Variants in THSD7B observed in about 807,000 individuals in gnomAD.
THSD7B encodes thrombospondin type 1 domain containing 7B, also known as thrombospondin type-1 domain-containing protein 7B.
Under a neutral mutation model 213.6 loss-of-function variants are expected in THSD7B, and 138 were observed. That is an observed-to-expected ratio of 0.65 (90% CI 0.56 to 0.74). The LOEUF is 0.74. THSD7B is among the 30% of genes least tolerant of loss of function. The pLI is 0.00. For synonymous variants in THSD7B, 742 were observed against 687.0 expected (o/e 1.08, Z -1.25); for missense variants, 1,931 against 1,991.5 (o/e 0.97, Z 0.58).
chr2:137,575,522 C>A (rs1252408508), intron 17 of THSD7B, among the ~76,000 whole-genome samples: 1 of 151,886 alleles, frequency 6.6e-6, no homozygotes. Flanking sequence ...CTGACAGTAA[C>A]TACCAATTGC....
intron 12 of THSD7B, among the ~76,000 whole-genome samples, chr2:137,350,590 T>C (rs994202937): frequency 4.0e-4 from 60 of 151,714 alleles, no homozygotes; most frequent in African/African-American, 1.4e-3. Context: ...GAGCATGAAG[T>C]TGGAGAGCGA....
At chr2:136,837,900 T>C (rs1682868469) in intron 1 of THSD7B, among the ~76,000 whole-genome samples, 1 of 152,214 alleles carries the variant, frequency 6.6e-6, no homozygotes, top group South Asian at 2.1e-4. Flanking sequence ...GCAGTCAAAA[T>C]GCATAATGGG....
chr2:136,898,964 A>G (rs1347267259), intron 2 of THSD7B, among the ~76,000 whole-genome samples: 2 of 152,210 alleles, frequency 1.3e-5, no homozygotes, highest in Non-Finnish European at 2.9e-5. Context: ...TTTAATGATC[A>G]TTGTTACCCC....
Position 137,272,549 on chromosome 2 carries a change from A to G in THSD7B, c.2283A>G (p.Lys761=), listed in dbSNP as rs1240773418. ...TTACTTCAGGAAATGCCACAGTAAA[A>G]CAGTCTCGATACAGAATCATCATCC... ...RMCQAGNATV[K]QSRYRIIIQE... is the part of the protein sequence containing the mutation. Residue 761 remains lysine (K), a synonymous_variant, in exon 11 of 28, where the codon AAA becomes AAG. Coordinates refer to ENST00000409968, the MANE Select transcript of THSD7B (RefSeq NM_001316349.2). 2 of 1,610,216 alleles carry G rather than the reference A, an allele frequency of 1.2e-6. No individual in the cohort carries two copies. The highest frequency in any genetic ancestry group is 1.7e-6 in the Non-Finnish European group (2 of 1,178,426).
At chr2:136,836,975 C>T (rs1056725173) in intron 1 of THSD7B, among the ~76,000 whole-genome samples, 3 of 152,176 alleles carry the variant, frequency 2.0e-5, no homozygotes, top group African/African-American at 7.2e-5. Context: ...TCATATTCAA[C>T]CCATTAGCAA....
chr2:137,345,113 T>C (rs899455563), intron 12 of THSD7B, among the ~76,000 whole-genome samples: 17 of 151,694 alleles, frequency 1.1e-4, no homozygotes, highest in African/African-American at 3.1e-4. Flanking sequence ...AGCATATAAA[T>C]TGATATATCA....
chr2:137,272,435 T>A, intron 10 of THSD7B, 98 bp from the exon 11 acceptor site: 1 of 1,275,256 alleles, frequency 7.8e-7, no homozygotes, highest in Non-Finnish European at 1.1e-6. Flanking sequence ...CACATGTGCT[T>A]ACTTTATCTC....
chr2:137,281,931 G>A (rs913818623), intron 12 of THSD7B, among the ~76,000 whole-genome samples: 1 of 152,272 alleles, frequency 6.6e-6, no homozygotes, highest in Admixed American at 6.5e-5. Flanking sequence ...TAATGGGATG[G>A]CTGGGTCAAA....
chr2:137,401,636 T>TTC (rs1306108696), intron 12 of THSD7B, among the ~76,000 whole-genome samples: 2 of 122,670 alleles, frequency 1.6e-5, no homozygotes, highest in African/African-American at 5.3e-5. Flanking sequence ...CTTTCTTTCT[T>TTC]TTTTTTTTTT....
intron 2 of THSD7B, among the ~76,000 whole-genome samples, chr2:136,930,572 G>A: frequency 6.6e-6 from 1 of 152,152 alleles, no homozygotes; most frequent in Non-Finnish European, 1.5e-5. Flanking sequence ...ATCTGAAAGT[G>A]GTACCCAGCT....
At chr2:137,048,097 C>G (rs1375384169) in intron 2 of THSD7B, among the ~76,000 whole-genome samples, 2 of 151,948 alleles carry the variant, frequency 1.3e-5, no homozygotes, top group Non-Finnish European at 2.9e-5. Flanking sequence ...TGTGATGTTC[C>G]CCTCCCAGTG....
At chr2:137,076,264 A>T (rs1687620049) in intron 3 of THSD7B, among the ~76,000 whole-genome samples, 1 of 152,146 alleles carries the variant, frequency 6.6e-6, no homozygotes. Context: ...CGCTTTGTTT[A>T]CCTAATCAAA....
Position 137,287,081 on chromosome 2 carries a change from T to G in THSD7B, c.2500+11055T>G, listed in dbSNP as rs553109862. Among the ~76,000 whole-genome samples, 339 of 152,282 alleles carry G rather than the reference T, an allele frequency of 2.2e-3. 3 individuals carry two copies. Among genetic ancestry groups the G allele is most frequent in the African/African-American group, 7.7e-3 (321 of 41,576 alleles). On this transcript the variant is annotated intron_variant, in intron 12 of 27. Transcript: ENST00000409968. ...AGAAAAAAATGATTATACCCCAATA[T>G]TTTTGTATTATTTATTATTTTTGGG...
chr2:137,431,696 C>G (rs982408239), intron 14 of THSD7B, among the ~76,000 whole-genome samples: 4 of 152,036 alleles, frequency 2.6e-5, no homozygotes, highest in Non-Finnish European at 4.4e-5. Flanking sequence ...ACACCCCGGA[C>G]CCCATAGATA....
intron 12 of THSD7B, among the ~76,000 whole-genome samples, chr2:137,332,596 T>G (rs1247943706): frequency 1.3e-5 from 2 of 152,116 alleles, no homozygotes; most frequent in African/African-American, 4.8e-5. Flanking sequence ...GACATGAGAT[T>G]TGTGAGGAGC....
intron 2 of THSD7B, among the ~76,000 whole-genome samples, chr2:136,903,148 C>T (rs754740384): frequency 1.5e-5 from 2 of 131,132 alleles, no homozygotes; most frequent in African/African-American, 2.5e-5. Context: ...TGACAGCTAC[C>T]CCAAAAAGGT....
intron 12 of THSD7B, among the ~76,000 whole-genome samples, chr2:137,333,606 A>G (rs1212920677): frequency 2.0e-5 from 3 of 152,186 alleles, no homozygotes; most frequent in Non-Finnish European, 4.4e-5. Flanking sequence ...TCTGTCCTCC[A>G]GACTGCTAAG....
In THSD7B at chr2:137,272,652, C is replaced by G; in HGVS notation, c.2386C>G (p.Pro796Ala). ...ERECEDVSLC[P>A]VYRWKPQKWS... ...AGAGTGTGAAGATGTTTCCTTGTGT[C>G]CTGTATATCGGCAAGTAGTTACCTT... The change falls in exon 11 of 28, where the codon CCT becomes GCT. Residue 796 changes from proline (P) to alanine (A), a missense_variant. By Grantham distance (27) the Pro-to-Ala change is conservative (BLOSUM62 -1). Transcript: ENST00000409968. 6 of 1,611,352 alleles carry G rather than the reference C, an allele frequency of 3.7e-6. No individual in the cohort carries two copies. Among genetic ancestry groups the G allele is most frequent in the Non-Finnish European group, 5.1e-6 (6 of 1,178,576 alleles).
chr2:137,314,063 G>T (rs1292345343), intron 12 of THSD7B, among the ~76,000 whole-genome samples: 1 of 152,172 alleles, frequency 6.6e-6, no homozygotes, highest in Non-Finnish European at 1.5e-5. Flanking sequence ...TGCTTTGCTA[G>T]ATTGGGGAAG....
Sources: gnomAD v4.1 joint callset for allele counts (sites outside exome capture counted in the v4.1 genomes callset) on GRCh38, gnomAD v4.1.1 for gene constraint, MANE v1.5 for transcripts, NCBI Gene and HGNC (gene_info 2026-07-23, HGNC 2026-07-21) for gene names.